Variants in ANKAR observed in about 807,000 individuals in gnomAD.
ANKAR encodes the protein ankyrin and armadillo repeat containing.
Under a neutral mutation model 146.2 loss-of-function variants are expected in ANKAR, and 136 were observed. The observed-to-expected ratio is 0.93, with a 90% CI of 0.81 to 1.07. ANKAR has a LOEUF of 1.07. ANKAR is among the 50% of genes least tolerant of loss of function. ANKAR has a pLI of 0.00. For missense variants in ANKAR, 1,567 were observed against 1,679.9 expected, an observed-to-expected ratio of 0.93 and a Z score of 1.18; for synonymous variants, 500 against 575.8, an observed-to-expected ratio of 0.87 and a Z score of 1.88.
rs764602859 is a variant in ANKAR at position 189,728,835 on chromosome 2, T to C, written c.3193+14T>C. The C allele has an allele frequency of 1.9e-6, 3 of 1,598,416 alleles. No homozygotes were observed. Among genetic ancestry groups the C allele is most frequent in the Admixed American group, 1.7e-5 (1 of 58,026 alleles). On this transcript the variant is annotated intron_variant, in intron 15 of 22. Transcript: ENST00000684021. ...CCATTTGTATTGGTTTGTATACTTATTCTCAATTTCTTAAATATCTGTAAG... is the reference window on the plus strand; with the variant it reads ...CCATTTGTATTGGTTTGTATACTTACTCTCAATTTCTTAAATATCTGTAAG...
Position 189,717,338 on chromosome 2 carries a change from G to T in ANKAR, c.2225-2234G>T, listed in dbSNP as rs541943009. On this transcript the variant is annotated intron_variant, in intron 10 of 22. Coordinates refer to ENST00000684021, the MANE Select transcript of ANKAR (RefSeq NM_001378068.1). ...GTAGACAACAGACACATGAAAAAACGCTCATCATCACTGGCCATCAGAGAA... is the reference window on the plus strand; with the variant it reads ...GTAGACAACAGACACATGAAAAAACTCTCATCATCACTGGCCATCAGAGAA... Among the ~76,000 whole-genome samples, 8 of 152,236 alleles carry T rather than the reference G, an allele frequency of 5.3e-5. No homozygotes were observed. In the East Asian group the frequency reaches 5.8e-4, roughly 11 times the overall value.
chr2:189,755,148 A>C, intron 18 of ANKAR: 1 of 1,590,184 alleles, frequency 6.3e-7, no homozygotes, highest in East Asian at 2.2e-5. Context: ...AACAAAAAAG[A>C]ATGGAGAAAT....
intron 18 of ANKAR, chr2:189,754,407 A>G: frequency 1.4e-6 from 2 of 1,424,268 alleles, no homozygotes; most frequent in South Asian, 2.7e-5. Context: ...AAAAGATGCA[A>G]AGGAAATAAA....
intron 15 of ANKAR, among the ~76,000 whole-genome samples, chr2:189,729,855 C>T (rs578244239): frequency 6.6e-6 from 1 of 151,852 alleles, no homozygotes; most frequent in Admixed American, 6.6e-5. Context: ...AGGGTTAACC[C>T]ATTTACATAA....
intron 2 of ANKAR, among the ~76,000 whole-genome samples, chr2:189,684,238 C>G (rs183200569): frequency 1.3e-5 from 2 of 148,796 alleles, no homozygotes; most frequent in Admixed American, 1.4e-4. Context: ...TCCCTGTCCT[C>G]TATCTGGAAT....
intron 1 of ANKAR, 149 bp from the exon 2 acceptor site, chr2:189,676,307 T>G: frequency 1.7e-6 from 1 of 604,278 alleles, no homozygotes; most frequent in Non-Finnish European, 2.7e-6. Context: ...TTTCATATAC[T>G]GCAGTTATTT....
chr2:189,675,385 T>C (rs80354687), intron 1 of ANKAR, among the ~76,000 whole-genome samples: 4,878 of 152,214 alleles, frequency 0.032, 99 homozygotes, highest in South Asian at 0.069. Flanking sequence ...CTTTTTTTTT[T>C]CTTTTTTTGA....
chr2:189,687,313 A>T (rs1323874193), intron 2 of ANKAR, among the ~76,000 whole-genome samples: 1 of 152,166 alleles, frequency 6.6e-6, no homozygotes, highest in Non-Finnish European at 1.5e-5. Flanking sequence ...TCATGGCTGA[A>T]TAGTACTCCA....
At chr2:189,737,164 CTAA>C (rs1031889851) in intron 17 of ANKAR, among the ~76,000 whole-genome samples, 12 of 150,866 alleles carry the variant, frequency 8.0e-5, no homozygotes, top group African/African-American at 2.9e-4. Flanking sequence ...AAATAACATA[CTAA>C]TAATACAATA....
chr2:189,693,717 G>C (rs775621662), intron 5 of ANKAR, among the ~76,000 whole-genome samples: 5 of 151,480 alleles, frequency 3.3e-5, no homozygotes, highest in Admixed American at 6.6e-5. Context: ...TTCGAGACCA[G>C]ACTGGGCACC....
At chr2:189,696,479 A>G in intron 7 of ANKAR, 110 bp downstream of exon 7, 1 of 1,011,978 alleles carries the variant, frequency 9.9e-7, no homozygotes, top group South Asian at 1.8e-5. Context: ...TAACTAGAGC[A>G]AAGTTGAGGT....
In ANKAR at chr2:189,743,275, G is replaced by A. The variant is rs759606775; in HGVS notation, c.3811G>A (p.Val1271Ile). 9.3e-6 allele frequency: 15 copies of A among 1,612,478 alleles called. No individual in the cohort carries two copies. The highest frequency in any genetic ancestry group is 1.3e-5 in the African/African-American group (1 of 74,900). Residue 1271 changes from valine (V) to isoleucine (I), a missense_variant and splice_region_variant, in exon 21 of 23, where the codon GTT becomes ATT. Coordinates refer to ENST00000684021, the MANE Select transcript of ANKAR (RefSeq NM_001378068.1). Reference protein sequence around the residue: ...CYHLYSGIEEVRAACSSALGY... With the variant: ...CYHLYSGIEEIRAACSSALGY... Reference sequence around the variant, plus strand: ...AAGAAAGAATTGTTTCTTCATTTAGGTTCGTGCAGCTTGTTCCTCTGCTCT... The same window carrying A: ...AAGAAAGAATTGTTTCTTCATTTAGATTCGTGCAGCTTGTTCCTCTGCTCT...
At chr2:189,761,779 A>G, downstream of ANKAR, 1 of 990,716 alleles carries the variant, frequency 1.0e-6, no homozygotes, top group Non-Finnish European at 1.4e-6. Context: ...AAGTTTGTAA[A>G]GGCTATAGCA....
At chr2:189,752,633 TC>T in intron 18 of ANKAR, 1 of 1,612,708 alleles carries the variant, frequency 6.2e-7, no homozygotes, top group Non-Finnish European at 8.5e-7. Context: ...TGCATAAAGA[TC>T]ATGAATGATA....
intron 18 of ANKAR, among the ~76,000 whole-genome samples, chr2:189,760,297 C>T (rs976553301): frequency 6.6e-6 from 1 of 152,124 alleles, no homozygotes; most frequent in Non-Finnish European, 1.5e-5. Context: ...GGGTGGCAGC[C>T]GGGCAGAGGG....
intron 4 of ANKAR, 105 bp downstream of exon 4, chr2:189,692,523 A>C: frequency 1.0e-6 from 1 of 966,700 alleles, no homozygotes. Flanking sequence ...CAGCTCTCCA[A>C]ATGATTATTC....
At chr2:189,709,454 G>A (rs918880229) in intron 9 of ANKAR, among the ~76,000 whole-genome samples, 6 of 152,106 alleles carry the variant, frequency 3.9e-5, no homozygotes, top group Non-Finnish European at 8.8e-5. Context: ...GGAGGGTGGG[G>A]CCCAGGAACC....
chr2:189,694,572 C>G (rs1478348561), intron 5 of ANKAR, among the ~76,000 whole-genome samples: 1 of 152,120 alleles, frequency 6.6e-6, no homozygotes. Context: ...GAGTAAAAGC[C>G]AAGGAGCCAT....
At chr2:189,751,444 G>GTTT (rs779920289), downstream of ANKAR, among the ~76,000 whole-genome samples, 13 of 126,126 alleles carry the variant, frequency 1.0e-4, no homozygotes, top group African/African-American at 1.8e-4. Flanking sequence ...GACAAGTTGT[G>GTTT]TTTTTTTTTT....
Sources: allele counts gnomAD v4.1 joint callset (sites outside exome capture counted in the v4.1 genomes callset), GRCh38; gene constraint gnomAD v4.1.1; transcripts MANE v1.5; gene names NCBI Gene and HGNC (gene_info 2026-07-23, HGNC 2026-07-21).